UPF3B: variants seen among roughly 807,000 people sequenced by gnomAD.
UPF3B encodes regulator of nonsense transcripts 3B.
Under a neutral mutation model 40.3 loss-of-function variants are expected in UPF3B, and 7 were observed. The observed-to-expected ratio is 0.17, with a 90% CI of 0.10 to 0.33. The LOEUF (loss-of-function observed/expected upper bound fraction) is 0.33. UPF3B is among the 10% of genes least tolerant of loss of function. UPF3B has a pLI of 1.00. For synonymous variants in UPF3B, 117 were observed against 117.3 expected, an observed-to-expected ratio of 1.00 and a Z score of 0.01; for missense variants, 229 against 358.9, an observed-to-expected ratio of 0.64 and a Z score of 2.93.
At chrX:119,832,557 C>T (rs1311171519), downstream of UPF3B, among the ~76,000 whole-genome samples, 1 of 112,161 alleles carries the variant, frequency 8.9e-6, no homozygotes, top group Non-Finnish European at 1.9e-5. Flanking sequence ...CATGAGCCAC[C>T]ATGCCTGGCC....
intron 1 of UPF3B, among the ~76,000 whole-genome samples, chrX:119,852,505 C>T (rs1056117830): frequency 8.9e-5 from 10 of 112,353 alleles, no homozygotes; most frequent in African/African-American, 2.6e-4. Flanking sequence ...TATACCGTCG[C>T]TCTTCCCTCC....
intron 5 of UPF3B, among the ~76,000 whole-genome samples, chrX:119,815,010 C>T (rs1409876251): frequency 1.8e-5 from 2 of 109,003 alleles, no homozygotes; most frequent in Non-Finnish European, 3.8e-5. Flanking sequence ...GGACTACAGG[C>T]ACCTGGCACC....
At chrX:119,831,251 GC>G (rs1457063334), downstream of UPF3B, among the ~76,000 whole-genome samples, 58 of 110,892 alleles carry the variant, frequency 5.2e-4, no homozygotes, top group Non-Finnish European at 1.0e-3. Context: ...CTTACCATGT[GC>G]CCTTTGGCTG....
downstream of UPF3B, chrX:119,831,764 A>G (rs2056039695): frequency 3.2e-5 from 23 of 714,329 alleles, no homozygotes; most frequent in Non-Finnish European, 3.8e-5. Flanking sequence ...ACGACCCTGA[A>G]GTACAATGAA....
At chrX:119,832,199 A>G (rs2056044203), downstream of UPF3B, among the ~76,000 whole-genome samples, 2 of 111,308 alleles carry the variant, frequency 1.8e-5, no homozygotes. Flanking sequence ...AAGTTAAGTG[A>G]TCCTCTTGCC....
chrX:119,816,914 C>T (rs1460298739), intron 4 of UPF3B, among the ~76,000 whole-genome samples: 2 of 111,335 alleles, frequency 1.8e-5, no homozygotes, highest in Non-Finnish European at 3.8e-5. Context: ...ATACCCAAGG[C>T]TGGGTAATAT....
chrX:119,818,357 G>T (rs1028681344), intron 4 of UPF3B, among the ~76,000 whole-genome samples: 2 of 112,036 alleles, frequency 1.8e-5, no homozygotes, highest in Non-Finnish European at 3.8e-5. Flanking sequence ...AGCACTCTGG[G>T]AGGCCAAGGC....
intron 4 of UPF3B, among the ~76,000 whole-genome samples, chrX:119,821,227 G>C (rs2055915512): frequency 8.9e-6 from 1 of 111,899 alleles, no homozygotes; most frequent in African/African-American, 3.2e-5. Flanking sequence ...TGAGTAAAAG[G>C]TCCCTGAGGC....
intron 5 of UPF3B, among the ~76,000 whole-genome samples, chrX:119,814,259 T>C (rs2055845799): frequency 9.0e-6 from 1 of 111,579 alleles, no homozygotes; most frequent in Non-Finnish European, 1.9e-5. Context: ...ACAAACTAGA[T>C]TGTCAAGAAT....
At chrX:119,822,407 C>A (rs2055930138) in intron 4 of UPF3B, among the ~76,000 whole-genome samples, 1 of 113,005 alleles carries the variant, frequency 8.8e-6, no homozygotes, top group South Asian at 3.6e-4. Context: ...ACTTTTCTCT[C>A]GTGTCACACG....
downstream of UPF3B, among the ~76,000 whole-genome samples, chrX:119,830,013 G>A (rs972641376): frequency 9.0e-6 from 1 of 111,361 alleles, no homozygotes; most frequent in Non-Finnish European, 1.9e-5. Context: ...TAATCCTGTC[G>A]CCCAGCTGAC....
At chrX:119,841,653 A>G in intron 6 of UPF3B, 82 bp downstream of exon 6, 1 of 963,103 alleles carries the variant, frequency 1.0e-6, no homozygotes, top group Non-Finnish European at 1.5e-6. Flanking sequence ...CTCCTCTAGA[A>G]ACCCAATGCT....
At chrX:119,845,656 TG>T (rs1214034879) in intron 3 of UPF3B, among the ~76,000 whole-genome samples, 2 of 111,817 alleles carry the variant, frequency 1.8e-5, no homozygotes, top group Non-Finnish European at 3.8e-5. Context: ...AGTAGCTGCC[TG>T]GAGTTTGGGG....
intron 4 of UPF3B, among the ~76,000 whole-genome samples, chrX:119,843,826 C>G (rs1333764233): frequency 8.9e-6 from 1 of 111,935 alleles, no homozygotes; most frequent in Non-Finnish European, 1.9e-5. Context: ...TTATTGAGTC[C>G]TTACCGTGTT....
At chrX:119,843,323 C>A (rs1229172281) in intron 4 of UPF3B, 22 bp from the exon 5 acceptor site, 1 of 996,283 alleles carries the variant, frequency 1.0e-6, no homozygotes, top group Non-Finnish European at 1.4e-6. Flanking sequence ...TTTGAGGAAA[C>A]AGAAAATATA....
chrX:119,827,984 C>T (rs2055996744), intron 3 of UPF3B, among the ~76,000 whole-genome samples: 1 of 110,881 alleles, frequency 9.0e-6, no homozygotes, highest in Admixed American at 9.6e-5. Flanking sequence ...GATCCGCCTG[C>T]CTCGGCCTCC....
chrX:119,820,357 G>T (rs181894160), intron 4 of UPF3B, among the ~76,000 whole-genome samples: 2 of 106,377 alleles, frequency 1.9e-5, no homozygotes, highest in African/African-American at 6.9e-5. Context: ...TACCATGTTG[G>T]CCAGGCTGGT....
chrX:119,810,253 T>A (rs1242971022), intron 5 of UPF3B, among the ~76,000 whole-genome samples: 1 of 112,196 alleles, frequency 8.9e-6, no homozygotes, highest in Non-Finnish European at 1.9e-5. Flanking sequence ...GAGCTTTCAA[T>A]GGAAATTTTA....
chrX:119,842,605 T>TACACACAC (rs543555558), intron 5 of UPF3B, among the ~76,000 whole-genome samples: 38,028 of 90,560 alleles, frequency 0.42, 6,137 homozygotes, highest in East Asian at 0.7. Flanking sequence ...CACACACACA[T>TACACACAC]ACACACACAC....
Sources: gnomAD v4.1 joint callset for allele counts (sites outside exome capture counted in the v4.1 genomes callset) on GRCh38, gnomAD v4.1.1 for gene constraint, MANE v1.5 for transcripts, NCBI Gene and HGNC (gene_info 2026-07-23, HGNC 2026-07-21) for gene names.